RSRC1: variants seen among roughly 807,000 people sequenced by gnomAD.
The protein encoded by RSRC1 is arginine and serine rich coiled-coil 1, also known as serine/Arginine-related protein 53.
In RSRC1, 39 loss-of-function variants were observed where a neutral mutation model predicts 49.1. The ratio of observed to expected loss-of-function variants is 0.79; its 90% CI spans 0.61 to 1.04. RSRC1 has a LOEUF of 1.04. Among genes scored for constraint, RSRC1 ranks in the 50% least tolerant of loss-of-function variants. RSRC1 has a pLI of 0.00. For missense variants in RSRC1, 388 were observed against 402.4 expected (o/e 0.96, Z 0.31); for synonymous variants, 143 against 130.8 (o/e 1.09, Z -0.63).
intron 6 of RSRC1, among the ~76,000 whole-genome samples, chr3:158,421,637 C>T (rs538210003): frequency 6.6e-6 from 1 of 151,042 alleles, no homozygotes; most frequent in South Asian, 2.1e-4. Flanking sequence ...AAATGGGCAC[C>T]CAGAGAATTT....
At chr3:158,125,992 A>G (rs1414498851) in intron 3 of RSRC1, among the ~76,000 whole-genome samples, 1 of 151,884 alleles carries the variant, frequency 6.6e-6, no homozygotes, top group African/African-American at 2.4e-5. Context: ...CTTAAAGTCT[A>G]TTTTGTCTTG....
chr3:158,273,360 C>G (rs966251523), intron 4 of RSRC1, among the ~76,000 whole-genome samples: 1 of 152,078 alleles, frequency 6.6e-6, no homozygotes, highest in Non-Finnish European at 1.5e-5. Flanking sequence ...TATACACACA[C>G]AGATTCATCT....
chr3:158,259,275 C>T (rs1307021117), intron 4 of RSRC1, among the ~76,000 whole-genome samples: 1 of 152,154 alleles, frequency 6.6e-6, no homozygotes, highest in African/African-American at 2.4e-5. Flanking sequence ...GTCATGGCAT[C>T]TATATCTGCA....
intron 1 of RSRC1, among the ~76,000 whole-genome samples, chr3:158,118,413 C>CTGTGTGTGTGTGTGTGTGTG (rs57257889): frequency 5.5e-5 from 5 of 90,134 alleles, no homozygotes; most frequent in African/African-American, 1.9e-4. Context: ...ACCTGGCCTT[C>CTGTGTGTGTGTGTGTGTGTG]TGTGTGTGTG....
chr3:158,387,314 C>T (rs1177749695), intron 6 of RSRC1, among the ~76,000 whole-genome samples: 7 of 152,066 alleles, frequency 4.6e-5, no homozygotes, highest in Non-Finnish European at 7.4e-5. Context: ...AGGTTCTGGA[C>T]TACTCCAACT....
At chr3:158,377,923 A>G (rs1274865638) in intron 6 of RSRC1, among the ~76,000 whole-genome samples, 1 of 152,130 alleles carries the variant, frequency 6.6e-6, no homozygotes, top group Non-Finnish European at 1.5e-5. Flanking sequence ...AGCCTTTCAA[A>G]GTGCCGGGAT....
At chr3:158,276,272 T>C in intron 4 of RSRC1, 1 of 765,990 alleles carries the variant, frequency 1.3e-6, no homozygotes, top group East Asian at 2.4e-5. Flanking sequence ...TGCAGCCCAG[T>C]CTGCACAATT....
intron 5 of RSRC1, among the ~76,000 whole-genome samples, chr3:158,299,909 T>G (rs1261828593): frequency 6.6e-6 from 1 of 152,212 alleles, no homozygotes; most frequent in Non-Finnish European, 1.5e-5. Flanking sequence ...CTACTCACTT[T>G]AACCAAAATA....
chr3:158,490,295 A>G (rs1347497543), intron 7 of RSRC1, among the ~76,000 whole-genome samples: 1 of 152,210 alleles, frequency 6.6e-6, no homozygotes, highest in Non-Finnish European at 1.5e-5. Flanking sequence ...CACGTTAGCC[A>G]GGATGGTCTC....
At chr3:158,254,836 T>C (rs1393399309) in intron 4 of RSRC1, among the ~76,000 whole-genome samples, 3 of 152,234 alleles carry the variant, frequency 2.0e-5, no homozygotes, top group African/African-American at 7.2e-5. Context: ...GAGCATTTTT[T>C]CATGTGTCTG....
At chr3:158,194,378 T>A (rs548320504) in intron 3 of RSRC1, among the ~76,000 whole-genome samples, 76 of 151,988 alleles carry the variant, frequency 5.0e-4, no homozygotes, top group African/African-American at 1.4e-3. Context: ...TTCTTTTTTT[T>A]AAATATACAC....
chr3:158,241,999 C>T (rs75444952), intron 4 of RSRC1, among the ~76,000 whole-genome samples: 4,152 of 118,752 alleles, frequency 0.035, 187 homozygotes, highest in African/African-American at 0.12. Flanking sequence ...CATTCACAGA[C>T]ATTTTCATTC....
intron 5 of RSRC1, among the ~76,000 whole-genome samples, chr3:158,319,571 A>G (rs528074395): frequency 3.3e-5 from 5 of 152,268 alleles, no homozygotes; most frequent in Non-Finnish European, 7.4e-5. Flanking sequence ...GTTTAGCTAC[A>G]TTTATGTGTT....
At chr3:158,279,388 G>A (rs1247138189) in intron 4 of RSRC1, among the ~76,000 whole-genome samples, 1 of 152,170 alleles carries the variant, frequency 6.6e-6, no homozygotes, top group Admixed American at 6.5e-5. Flanking sequence ...GTCAGGAAAT[G>A]TTATTCTTTT....
intron 3 of RSRC1, among the ~76,000 whole-genome samples, chr3:158,160,634 A>G (rs1029687996): frequency 6.6e-6 from 1 of 152,194 alleles, no homozygotes; most frequent in African/African-American, 2.4e-5. Context: ...AACTACTCTA[A>G]AACTACTTTA....
rs148355540 is a variant in RSRC1, at chr3:158,265,824, A to G, written c.495-32215A>G. ...AAGGTCACGAAGATTTTCTTCTAGT[A>G]GTTTCATAGGATTAGTTTCTATATT... On this transcript the variant is annotated intron_variant, in intron 4 of 9. Coordinates refer to ENST00000611884, the MANE Select transcript of RSRC1 (RefSeq NM_001271838.2). 2.2e-3 allele frequency among the ~76,000 whole-genome samples: 335 copies of G among 152,218 alleles called. 1 individual carries two copies. Among genetic ancestry groups the G allele is most frequent in the Admixed American group, 3.7e-3 (57 of 15,266 alleles).
At chr3:158,417,099 T>A (rs1734778051) in intron 6 of RSRC1, among the ~76,000 whole-genome samples, 1 of 152,054 alleles carries the variant, frequency 6.6e-6, no homozygotes, top group African/African-American at 2.4e-5. Flanking sequence ...GTCCCCACTC[T>A]TTTAGGTAGG....
chr3:158,275,165 A>G (rs1725739272), intron 4 of RSRC1, among the ~76,000 whole-genome samples: 5 of 152,198 alleles, frequency 3.3e-5, no homozygotes, highest in Non-Finnish European at 1.5e-5. Context: ...TTCAATTTCA[A>G]AACATACCAG....
rs1390763451 is a variant in RSRC1 at position 158,248,349 on chromosome 3, C to T, written c.494+45104C>T. Among the ~76,000 whole-genome samples the T allele has an allele frequency of 8.5e-5, 13 of 152,250 alleles. No individual in the cohort carries two copies. In the East Asian group the frequency reaches 2.3e-3, roughly 27 times the overall value. ...CAGCATTATGATTTTGTGATTCATTCACAATGTTGCATATATCAGCAGTTC... is the reference window on the plus strand; with the variant it reads ...CAGCATTATGATTTTGTGATTCATTTACAATGTTGCATATATCAGCAGTTC... On this transcript the variant is annotated intron_variant, in intron 4 of 9. Transcript: ENST00000611884.
Sources: gnomAD v4.1 joint callset for allele counts (sites outside exome capture counted in the v4.1 genomes callset) on GRCh38, gnomAD v4.1.1 for gene constraint, MANE v1.5 for transcripts, NCBI Gene and HGNC (gene_info 2026-07-23, HGNC 2026-07-21) for gene names.